Variants in DCHS2 observed in about 807,000 individuals in gnomAD.
The protein encoded by DCHS2 is protocadherin-23.
A neutral mutation model predicts 182.4 loss-of-function variants in DCHS2; 142 were observed. The observed-to-expected ratio is 0.78, with a 90% CI of 0.68 to 0.89. The LOEUF is 0.89. Ranked by LOEUF, DCHS2 falls within the 40% of genes least tolerant of loss-of-function variation. The pLI is 0.00. For missense variants in DCHS2, 4,319 were observed against 4,198.6 expected, an observed-to-expected ratio of 1.03 and a Z score of -0.79; for synonymous variants, 1,740 against 1,663.3, an observed-to-expected ratio of 1.05 and a Z score of -1.12.
chr4:154,478,644 TAGAG>T (rs1735789665), intron 1 of DCHS2, among the ~76,000 whole-genome samples: 1 of 152,010 alleles, frequency 6.6e-6, no homozygotes, highest in Non-Finnish European at 1.5e-5. Context: ...AGGGAACTCT[TAGAG>T]AGGGGAAATC....
At chr4:154,346,649 C>A (rs4696549) in intron 3 of DCHS2, among the ~76,000 whole-genome samples, 151,254 of 152,018 alleles carry the variant, frequency 0.99, 75,271 homozygotes, top group Middle Eastern at 1. Flanking sequence ...AGTCGAATTC[C>A]TGGAACCCTG....
chr4:154,240,399 A>T lies in DCHS2; in HGVS notation c.7359+138T>A, dbSNP rs959449358. On this transcript the variant is annotated intron_variant, in intron 18 of 19. Coordinates refer to ENST00000357232, the MANE Select transcript of DCHS2 (RefSeq NM_001358235.2). ...ATAGACTCCGTGATATTAAGTGTAA[A>T]ACCCGCAGCGTTAACTTAGGCACTA... The T allele has an allele frequency of 3.9e-6, 4 of 1,026,480 alleles. No homozygotes were observed. The African/African-American group carries it at 4.7e-5, about 12-fold the overall frequency. The allele number at this position is 1,026,480 out of a possible 1,614,324, so 63.6% of individuals were successfully genotyped here.
In DCHS2 at chr4:154,231,750, G is replaced by C. The variant is rs1000596030; in HGVS notation, c.*2786C>G. On this transcript the variant is annotated 3_prime_UTR_variant, in exon 20 of 20. Transcript: ENST00000357232. Reference sequence around the variant, plus strand: ...AAGGAGGGCTAAAGGTGAAGGTGCTGAGAAACACAAATCCTGTCTCAACTG... The same window carrying C: ...AAGGAGGGCTAAAGGTGAAGGTGCTCAGAAACACAAATCCTGTCTCAACTG... The C allele has an allele frequency of 1.3e-5, 2 of 152,114 alleles. No individual in the cohort carries two copies. Among genetic ancestry groups the C allele is most frequent in the African/African-American group, 4.8e-5 (2 of 41,436 alleles). 9.4% of individuals were successfully genotyped at this position (152,114 alleles called of 1,614,324 possible).
At chr4:154,342,741 A>T (rs1191291550) in intron 3 of DCHS2, among the ~76,000 whole-genome samples, 1 of 152,280 alleles carries the variant, frequency 6.6e-6, no homozygotes, top group South Asian at 2.1e-4. Context: ...TGAAGTGGTG[A>T]TTCCCTCAAA....
chr4:154,484,766 A>G (rs1056995970), intron 1 of DCHS2, among the ~76,000 whole-genome samples: 1 of 152,166 alleles, frequency 6.6e-6, no homozygotes, highest in Non-Finnish European at 1.5e-5. Flanking sequence ...CCATTAATAG[A>G]CATCTGGAGT....
chr4:154,393,777 G>C (rs969522255), intron 1 of DCHS2, among the ~76,000 whole-genome samples: 7 of 152,122 alleles, frequency 4.6e-5, no homozygotes, highest in Admixed American at 2.0e-4. Flanking sequence ...CCAACAGCAT[G>C]TCCAAAGACT....
chr4:154,454,463 T>A (rs1410585034), intron 1 of DCHS2, among the ~76,000 whole-genome samples: 2 of 152,196 alleles, frequency 1.3e-5, no homozygotes, highest in African/African-American at 4.8e-5. Flanking sequence ...AGGCTAACAA[T>A]CTACCTATTA....
At chr4:154,369,977 G>A (rs557462441) in intron 2 of DCHS2, among the ~76,000 whole-genome samples, 27 of 152,184 alleles carry the variant, frequency 1.8e-4, no homozygotes, top group African/African-American at 5.3e-4. Context: ...CATTCTCTTT[G>A]TTCTTGCCTT....
At chr4:154,464,537 T>A (rs908096720) in intron 1 of DCHS2, among the ~76,000 whole-genome samples, 3 of 152,206 alleles carry the variant, frequency 2.0e-5, no homozygotes, top group African/African-American at 7.2e-5. Flanking sequence ...ACTAAGTGAT[T>A]AAATCCTCTC....
Position 154,235,659 on chromosome 4 carries a change from A to G in DCHS2, c.8993T>C (p.Leu2998Pro), listed in dbSNP as rs760176536. 33 of 1,613,886 alleles carry G rather than the reference A, an allele frequency of 2.0e-5. No individual in the cohort carries two copies. The highest frequency in any genetic ancestry group is 2.7e-5 in the Non-Finnish European group (32 of 1,179,988). Residue 2998 changes from leucine (L) to proline (P), a missense_variant, in exon 20 of 20, where the codon CTG becomes CCG. By Grantham distance (98) the Leu-to-Pro change is moderately conservative. Transcript: ENST00000357232. ...AVFASSFSISLVVSFLVFLIL... is the reference protein window; with the variant it reads ...AVFASSFSISPVVSFLVFLIL... ...CAGAAACACTAAAAAGGAGACCACCAGGCTGATTGAAAAGCTGCTGGCGAA... is the reference window on the plus strand; with the variant it reads ...CAGAAACACTAAAAAGGAGACCACCGGGCTGATTGAAAAGCTGCTGGCGAA...
Position 154,490,632 on chromosome 4 carries a change from G to A in DCHS2, c.724C>T (p.Pro242Ser). The A allele has an allele frequency of 6.4e-7, 1 of 1,550,718 alleles. No homozygotes were observed. The change falls in exon 1 of 20, where the codon CCC becomes TCC. Residue 242 changes from proline (P) to serine (S), a missense_variant. Transcript: ENST00000357232. ...AGCACCAGATCTAGAGGCTCCAGGGGTGACGAGGAGCCTGGCAAAAGCGGT... is the reference window on the plus strand; with the variant it reads ...AGCACCAGATCTAGAGGCTCCAGGGATGACGAGGAGCCTGGCAAAAGCGGT... ...PSPLLPGSSSPLEPLDLVLLR... is the reference protein window; with the variant it reads ...PSPLLPGSSSSLEPLDLVLLR...
Position 154,239,197 on chromosome 4 carries a change from T to C in DCHS2, c.7465A>G (p.Lys2489Glu). The C allele has an allele frequency of 6.2e-7, 1 of 1,613,174 alleles. No individual in the cohort carries two copies. The highest frequency in any genetic ancestry group is 8.5e-7 in the Non-Finnish European group (1 of 1,179,622). Residue 2489 changes from lysine to glutamate, a missense_variant, in exon 19 of 20, where the codon AAG (lysine) becomes GAG (glutamate). Lys to Glu is a moderately conservative substitution (Grantham distance 56, BLOSUM62 1). Transcript: ENST00000357232. Reference sequence around the variant, plus strand: ...TTCTTAGGATCAATGGAGAATTCCTTAGAAGAGGATAGAATTCTGTAAGAA... The same window carrying C: ...TTCTTAGGATCAATGGAGAATTCCTCAGAAGAGGATAGAATTCTGTAAGAA... ...NISYRILSSS[K>E]EFSIDPKNGT...
At position 154,329,606 on chromosome 4, in the gene DCHS2, C is replaced by T. The variant is rs947111462; in HGVS notation, c.3835G>A (p.Ala1279Thr). ...RGSPPRNATM[A>T]VYVSVTDIND... ...ATGTCAGTAACTGAGACGTAAACCGCCATGGTGGCGTTTCGTGGTGGGGAG... is the reference window on the plus strand; with the variant it reads ...ATGTCAGTAACTGAGACGTAAACCGTCATGGTGGCGTTTCGTGGTGGGGAG... Residue 1279 changes from alanine (A) to threonine (T), a missense_variant, in exon 6 of 20, where the codon GCG becomes ACG. By Grantham distance (58) the Ala-to-Thr change is moderately conservative (BLOSUM62 0). Transcript: ENST00000357232. 17 of 1,612,800 alleles carry T rather than the reference C, an allele frequency of 1.1e-5. No individual in the cohort carries two copies. Among genetic ancestry groups the T allele is most frequent in the Non-Finnish European group, 1.3e-5 (15 of 1,179,674 alleles).
intron 1 of DCHS2, among the ~76,000 whole-genome samples, chr4:154,445,671 T>C (rs1734254143): frequency 6.6e-6 from 1 of 151,984 alleles, no homozygotes; most frequent in Non-Finnish European, 1.5e-5. Context: ...ATTAGCTGGC[T>C]GTGGTGTTGT....
chr4:154,425,785 C>T (rs1156989512), intron 1 of DCHS2, among the ~76,000 whole-genome samples: 1 of 152,196 alleles, frequency 6.6e-6, no homozygotes, highest in East Asian at 1.9e-4. Context: ...TCTCAGTGTG[C>T]ACACCACAGA....
At chr4:154,237,889 G>T (rs1290675650) in intron 19 of DCHS2, among the ~76,000 whole-genome samples, 1 of 152,038 alleles carries the variant, frequency 6.6e-6, no homozygotes, top group Admixed American at 6.6e-5. Context: ...AAAAATATTT[G>T]AATCAATAGC....
rs556421604 is a variant in DCHS2 at position 154,412,072 on chromosome 4, C to T, written c.2053-34628G>A. ...CTATGTACTAATTTACTGTATCATG[C>T]ATTCTCAAATATGAAATAAATTTGA... is the stretch of plus-strand genomic sequence containing the variant. On this transcript the variant is annotated intron_variant, in intron 1 of 19. Transcript: ENST00000357232. 9.1e-4 allele frequency among the ~76,000 whole-genome samples: 139 copies of T among 152,128 alleles called. 1 individual carries two copies. The highest frequency in any genetic ancestry group is 3.0e-3 in the African/African-American group (126 of 41,506).
At chr4:154,458,435 G>A (rs542174521) in intron 1 of DCHS2, among the ~76,000 whole-genome samples, 130 of 152,234 alleles carry the variant, frequency 8.5e-4, no homozygotes, top group African/African-American at 2.9e-3. Flanking sequence ...ACAGAGAAGC[G>A]CTAATATTCT....
intron 1 of DCHS2, among the ~76,000 whole-genome samples, chr4:154,468,796 T>C (rs976440060): frequency 6.6e-6 from 1 of 152,166 alleles, no homozygotes; most frequent in African/African-American, 2.4e-5. Flanking sequence ...TACAAACTAT[T>C]CATTAAAATA....
Sources: gnomAD v4.1 joint callset for allele counts (sites outside exome capture counted in the v4.1 genomes callset) on GRCh38, gnomAD v4.1.1 for gene constraint, MANE v1.5 for transcripts, NCBI Gene and HGNC (gene_info 2026-07-23, HGNC 2026-07-21) for gene names.